Variants in EHHADH observed in about 807,000 individuals in gnomAD.
The protein encoded by EHHADH is enoyl-CoA hydratase and 3-hydroxyacyl CoA dehydrogenase.
In EHHADH, 48 loss-of-function variants were observed where a neutral mutation model predicts 64.4. The observed-to-expected ratio is 0.75, with a 90% CI of 0.59 to 0.95. EHHADH has a LOEUF of 0.95. Among genes scored for constraint, EHHADH ranks in the 40% least tolerant of loss-of-function variants. The pLI, the probability that EHHADH is intolerant of heterozygous loss-of-function variation, is 0.00. For missense variants in EHHADH, 854 were observed against 876.6 expected (o/e 0.97, Z 0.33); for synonymous variants, 308 against 326.7 (o/e 0.94, Z 0.62).
chr3:185,193,727 G>A (rs984383220), intron 6 of EHHADH, among the ~76,000 whole-genome samples: 2 of 152,008 alleles, frequency 1.3e-5, no homozygotes, highest in African/African-American at 2.4e-5. Flanking sequence ...TGAGTCCAAC[G>A]AGATTGTAGG....
At chr3:185,198,289 G>A (rs1718125853) in intron 6 of EHHADH, among the ~76,000 whole-genome samples, 1 of 152,046 alleles carries the variant, frequency 6.6e-6, no homozygotes, top group Non-Finnish European at 1.5e-5. Context: ...TGTGATCTCA[G>A]CTCACTGTAA....
chr3:185,208,595 G>C (rs193146588), intron 5 of EHHADH, among the ~76,000 whole-genome samples: 2 of 152,284 alleles, frequency 1.3e-5, no homozygotes, highest in Admixed American at 1.3e-4. Flanking sequence ...ACAGCACATT[G>C]CTTTGGAAAA....
At chr3:185,247,508 G>A (rs1719626352) in intron 2 of EHHADH, among the ~76,000 whole-genome samples, 2 of 151,954 alleles carry the variant, frequency 1.3e-5, no homozygotes, top group South Asian at 4.2e-4. Flanking sequence ...AGGACTAACT[G>A]AGAATTAACA....
intron 4 of EHHADH, among the ~76,000 whole-genome samples, chr3:185,226,506 G>A (rs753501128): frequency 4.6e-5 from 7 of 152,034 alleles, no homozygotes; most frequent in African/African-American, 7.2e-5. Flanking sequence ...AAAATTAGCC[G>A]GGCATGGTGG....
Position 185,193,398 on chromosome 3 carries a change from C to A in EHHADH, c.1000G>T (p.Ala334Ser). ...IAVDSDKNQLATANKMITSVL... is the reference protein window; with the variant it reads ...IAVDSDKNQLSTANKMITSVL... ...GAGGTTATCATCTTGTTTGCAGTTG[C>A]TAGCTGGTTTTTGTCCGAGTCTACA... Residue 334 changes from alanine (A) to serine (S), a missense_variant, in exon 7 of 7, where the codon GCA (alanine) becomes TCA (serine). By Grantham distance (99) the Ala-to-Ser change is moderately conservative. Transcript: ENST00000231887. The A allele has an allele frequency of 1.2e-6, 2 of 1,614,158 alleles. No individual in the cohort carries two copies. Among genetic ancestry groups the A allele is most frequent in the Non-Finnish European group, 1.7e-6 (2 of 1,180,006 alleles).
intron 4 of EHHADH, among the ~76,000 whole-genome samples, chr3:185,225,453 C>T (rs896590501): frequency 2.0e-5 from 3 of 152,044 alleles, no homozygotes; most frequent in African/African-American, 7.2e-5. Context: ...ATTTACATTG[C>T]CACTACTCAG....
At chr3:185,208,287 T>G (rs905963160) in intron 5 of EHHADH, among the ~76,000 whole-genome samples, 1 of 152,094 alleles carries the variant, frequency 6.6e-6, no homozygotes, top group South Asian at 2.1e-4. Flanking sequence ...ACCGCTTGAG[T>G]GAGTTTGAAA....
At chr3:185,219,207 A>C (rs549586820) in intron 4 of EHHADH, among the ~76,000 whole-genome samples, 1 of 152,322 alleles carries the variant, frequency 6.6e-6, no homozygotes, top group Non-Finnish European at 1.5e-5. Context: ...CTCCTCCCTT[A>C]GTTTGTGGAA....
Position 185,204,432 on chromosome 3 carries a change from G to A in EHHADH, c.894C>T (p.Ser298=). 2 of 1,606,730 alleles carry A rather than the reference G, an allele frequency of 1.2e-6. No individual in the cohort carries two copies. The highest frequency in any genetic ancestry group is 1.7e-4 in the Middle Eastern group (1 of 6,034). ...TGGTCTTACCAACAACACCAACTGAGGAGACAGGCCGCGCTGATGCTGTTT... is the reference window on the plus strand; with the variant it reads ...TGGTCTTACCAACAACACCAACTGAAGAGACAGGCCGCGCTGATGCTGTTT... ...SWKTASARPV[S]SVGVVGLGTM... Residue 298 remains serine, a synonymous_variant, in exon 6 of 7, where the codon TCC becomes TCT. Coordinates refer to ENST00000231887, the MANE Select transcript of EHHADH (RefSeq NM_001966.4).
At chr3:185,210,846 C>A (rs1229668946) in intron 5 of EHHADH, among the ~76,000 whole-genome samples, 2 of 151,962 alleles carry the variant, frequency 1.3e-5, no homozygotes, top group African/African-American at 4.8e-5. Flanking sequence ...GAGGAGAGAA[C>A]AAAACTGAAA....
chr3:185,206,408 T>A (rs1307891774), intron 5 of EHHADH, among the ~76,000 whole-genome samples: 1 of 152,080 alleles, frequency 6.6e-6, no homozygotes, highest in Non-Finnish European at 1.5e-5. Flanking sequence ...TAAAAAAATT[T>A]TCAGGACCTT....
chr3:185,229,352 T>A, intron 4 of EHHADH, 80 bp downstream of exon 4: 1 of 808,536 alleles, frequency 1.2e-6, no homozygotes, highest in Non-Finnish European at 1.7e-6. Context: ...AGGGAGTAGG[T>A]GGTCAAGCCA....
At chr3:185,214,758 A>G (rs1474606899) in intron 5 of EHHADH, among the ~76,000 whole-genome samples, 1 of 152,230 alleles carries the variant, frequency 6.6e-6, no homozygotes, top group East Asian at 1.9e-4. Context: ...AAGTTGTAAT[A>G]GCTGAATGGA....
Position 185,193,285 on chromosome 3 carries a change from C to G in EHHADH, c.1113G>C (p.Glu371Asp). Reference sequence around the variant, plus strand: ...CAATGACTAAATCTACACCACCAAGCTCCTTCACAGATGAAGTTAACCTGG... The same window carrying G: ...CAATGACTAAATCTACACCACCAAGGTCCTTCACAGATGAAGTTAACCTGG... ...PKPRLTSSVK[E>D]LGGVDLVIEA... Residue 371 changes from glutamate to aspartate, a missense_variant, in exon 7 of 7, where the codon GAG becomes GAC. Transcript: ENST00000231887. 1 of 1,606,506 alleles carries G rather than the reference C, an allele frequency of 6.2e-7. No homozygotes were observed. Among genetic ancestry groups the G allele is most frequent in the South Asian group, 1.1e-5 (1 of 89,502 alleles).
At position 185,229,528 on chromosome 3, in the gene EHHADH, G is replaced by C. The variant is rs746607247; in HGVS notation, c.367C>G (p.Pro123Ala). Residue 123 changes from proline (P) to alanine (A), a missense_variant, in exon 4 of 7, where the codon CCA (proline) becomes GCA (alanine). By Grantham distance (27) the Pro-to-Ala change is conservative. Transcript: ENST00000231887. The stretch of plus-strand genomic sequence containing the variant: ...GGGAGAAGTCCCAGTGTAACTTCTG[G>C]TAAGCCAACTTGAGCCTATCAAAGA... Reference protein sequence around the residue: ...IAHAEAQVGLPEVTLGLLPGA... With the variant: ...IAHAEAQVGLAEVTLGLLPGA... 1.3e-5 allele frequency: 20 copies of C among 1,568,700 alleles called. No individual in the cohort carries two copies. Among genetic ancestry groups the C allele is most frequent in the Non-Finnish European group, 1.6e-5 (18 of 1,153,868 alleles).
rs1248975904 is a variant in EHHADH, at chr3:185,216,589, T to A, written c.568+1547A>T. 1.3e-5 allele frequency among the ~76,000 whole-genome samples: 2 copies of A among 152,226 alleles called. No individual in the cohort carries two copies. The highest frequency in any genetic ancestry group is 4.8e-5 in the African/African-American group (2 of 41,464). ...GACTTGCTGATTCTCTTTAGGGGTC[T>A]CCATTATTTTCTCCCCATCGTTCCT... is the stretch of plus-strand genomic sequence containing the variant. On this transcript the variant is annotated intron_variant, in intron 5 of 6. Transcript: ENST00000231887. The surrounding 1 kb of genome is among the most constrained non-coding windows in gnomAD (Gnocchi z 5.3).
Position 185,192,729 on chromosome 3 carries a change from T to A in EHHADH, c.1669A>T (p.Arg557Trp), listed in dbSNP as rs775695626. Reference sequence around the variant, plus strand: ...AGCACATCAGGAATTGGGCAGTACCTCCTATTACCCCTTTTTCGGGCAGGA... The same window carrying A: ...AGCACATCAGGAATTGGGCAGTACCACCTATTACCCCTTTTTCGGGCAGGA... ...GTPARKRGNR[R>W]YCPIPDVLCE... is the part of the protein sequence containing the mutation. Residue 557 changes from arginine to tryptophan, a missense_variant, in exon 7 of 7, where the codon AGG becomes TGG. Coordinates refer to ENST00000231887, the MANE Select transcript of EHHADH (RefSeq NM_001966.4). 8 of 1,614,052 alleles carry A rather than the reference T, an allele frequency of 5.0e-6. 1 individual carries two copies. The South Asian group carries it at 8.8e-5, about 18-fold the overall frequency.
intron 5 of EHHADH, among the ~76,000 whole-genome samples, chr3:185,208,257 G>A (rs372562722): frequency 1.3e-5 from 2 of 152,158 alleles, no homozygotes; most frequent in Admixed American, 6.5e-5. Context: ...CAGCCCATAC[G>A]GAACTGAATC....
At chr3:185,207,735 C>T (rs1718434855) in intron 5 of EHHADH, among the ~76,000 whole-genome samples, 1 of 152,196 alleles carries the variant, frequency 6.6e-6, no homozygotes, top group African/African-American at 2.4e-5. Context: ...CTAGTCTACA[C>T]AACTGTAAGA....
Sources: gnomAD v4.1 joint callset for allele counts (sites outside exome capture counted in the v4.1 genomes callset) on GRCh38, gnomAD v4.1.1 for gene constraint, Gnocchi (gnomAD v3.1) non-coding constraint, MANE v1.5 for transcripts, NCBI Gene and HGNC (gene_info 2026-07-23, HGNC 2026-07-21) for gene names.